The following CSMD1 variants were observed in gnomAD, a reference collection of about 807,000 sequenced individuals.
CSMD1 encodes the protein CUB and sushi domain-containing protein 1.
CSMD1 carries 213 observed loss-of-function variants against 417.5 expected under a neutral mutation model. The observed-to-expected ratio is 0.51, with a 90% CI of 0.46 to 0.57. The LOEUF (loss-of-function observed/expected upper bound fraction) is 0.57. Ranked by LOEUF, CSMD1 falls within the 20% of genes least tolerant of loss-of-function variation. The pLI, the probability that CSMD1 is intolerant of heterozygous loss-of-function variation, is 0.00. For synonymous variants in CSMD1, 2,862 were observed against 1,736.8 expected (o/e 1.65, Z -16.11); for missense variants, 6,923 against 4,529.7 (o/e 1.53, Z -15.17).
At chr8:3,963,474 T>G (rs1445498473) in intron 5 of CSMD1, among the ~76,000 whole-genome samples, 1 of 152,178 alleles carries the variant, frequency 6.6e-6, no homozygotes, top group East Asian at 1.9e-4. Context: ...GCCTCATAAC[T>G]GAACATTATG....
At chr8:4,264,424 C>G (rs1413816830) in intron 3 of CSMD1, among the ~76,000 whole-genome samples, 1 of 152,152 alleles carries the variant, frequency 6.6e-6, no homozygotes, top group Non-Finnish European at 1.5e-5. Context: ...ATCTAAGGAT[C>G]TAGTTTAATA....
At chr8:4,183,525 G>C (rs1258588471) in intron 3 of CSMD1, among the ~76,000 whole-genome samples, 3 of 151,748 alleles carry the variant, frequency 2.0e-5, no homozygotes, top group Admixed American at 6.6e-5. Flanking sequence ...AGACATTACT[G>C]GTTTATTTGT....
intron 5 of CSMD1, among the ~76,000 whole-genome samples, chr8:3,855,269 T>C (rs1804215260): frequency 6.6e-6 from 1 of 152,192 alleles, no homozygotes; most frequent in African/African-American, 2.4e-5. Context: ...CTATATTGCA[T>C]ACAAAAATCT....
chr8:3,452,511 G>A (rs1043844660), intron 12 of CSMD1, among the ~76,000 whole-genome samples: 2 of 152,140 alleles, frequency 1.3e-5, no homozygotes, highest in African/African-American at 4.8e-5. Flanking sequence ...AATTTACTGA[G>A]AGTTTTTAGC....
chr8:3,171,248 G>A (rs963012752), intron 37 of CSMD1, among the ~76,000 whole-genome samples: 3 of 152,176 alleles, frequency 2.0e-5, no homozygotes, highest in Non-Finnish European at 4.4e-5. Flanking sequence ...GAAGCACTGG[G>A]AAAGAAAGCT....
At chr8:3,054,388 C>T (rs1173388117) in intron 49 of CSMD1, among the ~76,000 whole-genome samples, 11 of 152,044 alleles carry the variant, frequency 7.2e-5, no homozygotes, top group South Asian at 2.1e-4. Context: ...GAGGCTGAGG[C>T]GGGAGGATTG....
chr8:3,628,559 A>C (rs1441825188), intron 7 of CSMD1, among the ~76,000 whole-genome samples: 1 of 152,210 alleles, frequency 6.6e-6, no homozygotes, highest in Admixed American at 6.5e-5. Context: ...GTTGGATGCC[A>C]CTGGGCCACG....
chr8:4,059,565 AAGAG>A lies in CSMD1; in HGVS notation c.416-27470_416-27467del, dbSNP rs751446218. Among the ~76,000 whole-genome samples, 218 of 152,174 alleles carry A rather than the reference AAGAG, an allele frequency of 1.4e-3. 1 individual carries two copies. The highest frequency in any genetic ancestry group is 2.3e-3 in the Non-Finnish European group (156 of 67,948). On this transcript the variant is annotated intron_variant, in intron 3 of 69. Coordinates refer to ENST00000635120, the MANE Select transcript of CSMD1 (RefSeq NM_033225.6). ...TGCTAGCAAGACTAATAAAGAAAAA[AAGAG>A]AGAAGAATCAAATAGATGCAATAAA...
At chr8:3,640,171 T>C (rs1393244428) in intron 7 of CSMD1, among the ~76,000 whole-genome samples, 1 of 152,164 alleles carries the variant, frequency 6.6e-6, no homozygotes, top group Non-Finnish European at 1.5e-5. Flanking sequence ...AACTTAATGC[T>C]TGAAGCTGGT....
chr8:3,951,220 T>G (rs887351671), intron 5 of CSMD1, among the ~76,000 whole-genome samples: 2 of 152,208 alleles, frequency 1.3e-5, no homozygotes, highest in Admixed American at 1.3e-4. Context: ...TTGTGGGGAC[T>G]GCACAGGCGG....
intron 3 of CSMD1, among the ~76,000 whole-genome samples, chr8:4,249,595 A>C (rs1243738243): frequency 6.6e-6 from 1 of 152,110 alleles, no homozygotes; most frequent in Non-Finnish European, 1.5e-5. Context: ...GTGTATTGAG[A>C]GAATGGTGTT....
At chr8:2,942,169 C>G (rs1801917357) in intron 69 of CSMD1, among the ~76,000 whole-genome samples, 1 of 151,784 alleles carries the variant, frequency 6.6e-6, no homozygotes, top group South Asian at 2.1e-4. Flanking sequence ...ACACTGGGGC[C>G]TGTGGGGGGC....
chr8:4,138,885 A>C (rs1803602598), intron 3 of CSMD1, among the ~76,000 whole-genome samples: 1 of 152,178 alleles, frequency 6.6e-6, no homozygotes, highest in Non-Finnish European at 1.5e-5. Flanking sequence ...AGGTTAATTT[A>C]TATTTAATAC....
At position 4,265,801 on chromosome 8, in the gene CSMD1, A is replaced by G. The variant is rs1251751066; in HGVS notation, c.415+154152T>C. Among the ~76,000 whole-genome samples, 6 of 104,984 alleles carry G rather than the reference A, an allele frequency of 5.7e-5. 1 individual carries two copies. Among genetic ancestry groups the G allele is most frequent in the African/African-American group, 1.6e-4 (6 of 38,484 alleles). The allele number at this position is 104,984 out of a possible 152,430, so 68.9% of individuals were successfully genotyped here. A position where few individuals can be genotyped will look rare whatever the true frequency, so the allele number is the denominator to read the frequency against. Reference sequence around the variant, plus strand: ...TCCCTAATGTGATGTTGACTTTTATAAACTCTCACCATTTACCTATCAACT... The same window carrying G: ...TCCCTAATGTGATGTTGACTTTTATGAACTCTCACCATTTACCTATCAACT... On this transcript the variant is annotated intron_variant, in intron 3 of 69. Coordinates refer to ENST00000635120, the MANE Select transcript of CSMD1 (RefSeq NM_033225.6).
Position 3,932,858 on chromosome 8 carries a change from A to G in CSMD1, c.818+65045T>C, listed in dbSNP as rs116605590. Among the ~76,000 whole-genome samples the G allele has an allele frequency of 8.0e-3, 1,197 of 150,536 alleles. 78 individuals carry two copies. The highest frequency in any genetic ancestry group is 0.028 in the African/African-American group (1,150 of 40,904). On this transcript the variant is annotated intron_variant, in intron 5 of 69. Transcript: ENST00000635120. Reference sequence around the variant, plus strand: ...TATGCTATTGTTATTAGATTTCACTATTGTGTAAAGTTAAATGTTTTTGAA... The same window carrying G: ...TATGCTATTGTTATTAGATTTCACTGTTGTGTAAAGTTAAATGTTTTTGAA...
At chr8:4,312,041 A>G (rs1248802906) in intron 3 of CSMD1, among the ~76,000 whole-genome samples, 2 of 152,160 alleles carry the variant, frequency 1.3e-5, no homozygotes, top group Non-Finnish European at 2.9e-5. Context: ...TGTTGAAATC[A>G]TTGTCATTTC....
chr8:4,330,208 A>ACACCAGTCAGATCCACCTGTCAGATC (rs1799789204), intron 3 of CSMD1, among the ~76,000 whole-genome samples: 5 of 151,238 alleles, frequency 3.3e-5, no homozygotes, highest in Admixed American at 1.3e-4. Context: ...TTTCTCCATA[A>ACACCAGTCAGATCCACCTGTCAGATC]CACCCGTCAG....
intron 12 of CSMD1, among the ~76,000 whole-genome samples, chr8:3,456,100 C>T (rs776237605): frequency 2.0e-5 from 3 of 152,156 alleles, no homozygotes; most frequent in Non-Finnish European, 4.4e-5. Context: ...GGGCGTAGGA[C>T]CCTCAAAGCC....
intron 20 of CSMD1, among the ~76,000 whole-genome samples, chr8:3,364,348 G>C (rs1291093612): frequency 6.6e-6 from 1 of 152,148 alleles, no homozygotes; most frequent in South Asian, 2.1e-4. Context: ...CAACTGTCTA[G>C]ATGAAATTTA....
Sources: gnomAD v4.1 joint callset for allele counts (sites outside exome capture counted in the v4.1 genomes callset) on GRCh38, gnomAD v4.1.1 for gene constraint, MANE v1.5 for transcripts, NCBI Gene and HGNC (gene_info 2026-07-23, HGNC 2026-07-21) for gene names.